The following KIAA1671 variants were observed in gnomAD, a reference collection of about 807,000 sequenced individuals.
KIAA1671 encodes uncharacterized protein KIAA1671.
Under a neutral mutation model 131.2 loss-of-function variants are expected in KIAA1671, and 52 were observed. The observed-to-expected ratio is 0.40, with a 90% CI of 0.32 to 0.50. KIAA1671 has a LOEUF of 0.50. KIAA1671 is among the 20% of genes least tolerant of loss of function. The pLI, the probability that KIAA1671 is intolerant of heterozygous loss-of-function variation, is 0.73. For synonymous variants in KIAA1671, 1,003 were observed against 961.6 expected, an observed-to-expected ratio of 1.04 and a Z score of -0.80; for missense variants, 2,360 against 2,364.2, an observed-to-expected ratio of 1.00 and a Z score of 0.04.
At chr22:25,158,836 T>C (rs943004230) in intron 6 of KIAA1671, among the ~76,000 whole-genome samples, 2 of 152,224 alleles carry the variant, frequency 1.3e-5, no homozygotes, top group African/African-American at 2.4e-5. Context: ...CATCCAAGTG[T>C]CTGCTATTGT....
At chr22:25,190,459 T>C (rs970769624) in intron 11 of KIAA1671, among the ~76,000 whole-genome samples, 66 of 152,216 alleles carry the variant, frequency 4.3e-4, no homozygotes, top group Non-Finnish European at 2.9e-5. Flanking sequence ...TGGACCAGTA[T>C]CGGTCTGTGG....
rs1568951093 is a variant in KIAA1671 at position 25,093,756 on chromosome 22, CTCTCTCTCTCTG to C, written c.4530+44404_4530+44415del. The stretch of plus-strand genomic sequence containing the variant: ...ACACACACTCTCTCTCTCTCTCTCT[CTCTCTCTCTCTG>C]TCTCTCTCTCTCTCTCTCTCTCTCT... On this transcript the variant is annotated intron_variant, in intron 6 of 12. Coordinates refer to ENST00000358431, the MANE Select transcript of KIAA1671 (RefSeq NM_001145206.2). Among the ~76,000 whole-genome samples the C allele has an allele frequency of 2.2e-3, 227 of 102,822 alleles. 3 individuals carry two copies. The highest frequency in any genetic ancestry group is 2.9e-3 in the Non-Finnish European group (151 of 51,710). 67.5% of individuals were successfully genotyped at this position (102,822 alleles called of 152,430 possible).
chr22:25,182,353 CTCTTCTTTCTTTCCTCCCTCCCTTT>C, intron 10 of KIAA1671, among the ~76,000 whole-genome samples: 2 of 147,038 alleles, frequency 1.4e-5, no homozygotes, highest in African/African-American at 2.5e-5. Flanking sequence ...CCCTCCCTTT[CTCTTCTTTCTTTCCTCCCTCCCTTT>C]CTCTTTTCTT....
intron 1 of KIAA1671, among the ~76,000 whole-genome samples, chr22:24,998,348 G>A (rs997879398): frequency 6.6e-6 from 1 of 151,892 alleles, no homozygotes; most frequent in Non-Finnish European, 1.5e-5. Flanking sequence ...AGGAGAACAG[G>A]GGTACAGTGA....
chr22:25,093,831 TCTGTCTGTC>T, intron 6 of KIAA1671, among the ~76,000 whole-genome samples: 2 of 80,336 alleles, frequency 2.5e-5, no homozygotes, highest in Admixed American at 1.3e-4. Context: ...TCTTTCTCTC[TCTGTCTGTC>T]TCTCTCTCTC....
intron 6 of KIAA1671, among the ~76,000 whole-genome samples, chr22:25,084,997 A>T (rs1409294029): frequency 1.3e-5 from 2 of 152,258 alleles, no homozygotes; most frequent in Admixed American, 6.5e-5. Flanking sequence ...TGATGGCTGC[A>T]GCCACAGGAC....
At chr22:25,035,136 C>T (rs1458474100) in intron 4 of KIAA1671, among the ~76,000 whole-genome samples, 1 of 150,722 alleles carries the variant, frequency 6.6e-6, no homozygotes, top group Admixed American at 6.6e-5. Flanking sequence ...CCTCTGCCTC[C>T]TGGGTTCAAG....
intron 5 of KIAA1671, among the ~76,000 whole-genome samples, chr22:25,046,913 T>C (rs1927267269): frequency 6.6e-6 from 1 of 151,892 alleles, no homozygotes; most frequent in African/African-American, 2.4e-5. Context: ...GGGTTGAGGA[T>C]CTCTGTTGAA....
chr22:25,057,396 G>A (rs1425319003), intron 6 of KIAA1671: 1 of 144,422 alleles, frequency 6.9e-6, no homozygotes, highest in Non-Finnish European at 1.6e-5. Flanking sequence ...GAATGACAGG[G>A]ACACCTGTTC....
intron 1 of KIAA1671, among the ~76,000 whole-genome samples, chr22:24,986,646 TCCAC>T (rs1569198976): frequency 8.3e-5 from 1 of 12,072 alleles, no homozygotes; most frequent in East Asian, 2.1e-3. Flanking sequence ...CACCCACCCA[TCCAC>T]CCACCCACCC....
At chr22:25,179,643 G>T (rs1934195407) in intron 9 of KIAA1671, 2 of 722,942 alleles carry the variant, frequency 2.8e-6, no homozygotes, top group East Asian at 2.7e-5. Context: ...TTCTTGTTAT[G>T]CAGAACTTAT....
chr22:25,093,852 C>CTGTG (rs1930261799), intron 6 of KIAA1671, among the ~76,000 whole-genome samples: 1 of 121,076 alleles, frequency 8.3e-6, no homozygotes, highest in Non-Finnish European at 1.9e-5. Flanking sequence ...CTCTCTCTCT[C>CTGTG]TCTCTCTCTC....
At chr22:25,000,968 C>A (rs1199993112) in intron 1 of KIAA1671, among the ~76,000 whole-genome samples, 1 of 151,796 alleles carries the variant, frequency 6.6e-6, no homozygotes, top group East Asian at 1.9e-4. Flanking sequence ...TTCCCGATGA[C>A]CAGTGAAGTT....
At chr22:25,062,896 T>A (rs1928248290) in intron 6 of KIAA1671, 1 of 145,720 alleles carries the variant, frequency 6.9e-6, no homozygotes, top group Non-Finnish European at 1.5e-5. Context: ...GACAACACTC[T>A]TAAGGGCTCT....
In KIAA1671 at chr22:25,094,999, C is replaced by T. The variant is rs191649025; in HGVS notation, c.4530+45635C>T. On this transcript the variant is annotated intron_variant, in intron 6 of 12. Transcript: ENST00000358431. ...TAGACAAAACAGACAGATATGAGTGCGCTGAGTCTGTCTCAGGTGGTGTTT... is the reference window on the plus strand; with the variant it reads ...TAGACAAAACAGACAGATATGAGTGTGCTGAGTCTGTCTCAGGTGGTGTTT... Among the ~76,000 whole-genome samples, 439 of 152,222 alleles carry T rather than the reference C, an allele frequency of 2.9e-3. 1 individual carries two copies. The highest frequency in any genetic ancestry group is 3.6e-3 in the Non-Finnish European group (245 of 68,006).
At chr22:25,032,395 C>T (rs1308840922) in intron 3 of KIAA1671, among the ~76,000 whole-genome samples, 1 of 152,236 alleles carries the variant, frequency 6.6e-6, no homozygotes, top group Non-Finnish European at 1.5e-5. Context: ...AGAGCTGGGA[C>T]TAGCACCTGG....
chr22:25,046,172 G>C (rs1035154965), intron 5 of KIAA1671, among the ~76,000 whole-genome samples: 1 of 152,000 alleles, frequency 6.6e-6, no homozygotes, highest in Non-Finnish European at 1.5e-5. Context: ...CTTGGTGGCG[G>C]GTGCCTGTAG....
At chr22:25,156,798 T>C (rs1933261480) in intron 6 of KIAA1671, among the ~76,000 whole-genome samples, 2 of 152,200 alleles carry the variant, frequency 1.3e-5, no homozygotes, top group African/African-American at 4.8e-5. Context: ...AATGTCATCA[T>C]TCCCATAGAA....
At chr22:25,173,551 A>G (rs545421676) in intron 7 of KIAA1671, among the ~76,000 whole-genome samples, 10 of 152,354 alleles carry the variant, frequency 6.6e-5, no homozygotes, top group African/African-American at 2.2e-4. Flanking sequence ...TTTGATCCTT[A>G]TGCAATATAT....
Sources: gnomAD v4.1 joint callset for allele counts (sites outside exome capture counted in the v4.1 genomes callset) on GRCh38, gnomAD v4.1.1 for gene constraint, MANE v1.5 for transcripts, NCBI Gene and HGNC (gene_info 2026-07-23, HGNC 2026-07-21) for gene names.